The following PRDM11 variants were observed in gnomAD, a reference collection of about 807,000 sequenced individuals.
PRDM11 encodes the protein PR domain-containing protein 11.
Under a neutral mutation model 97.8 loss-of-function variants are expected in PRDM11, and 20 were observed. That is an observed-to-expected ratio of 0.20 (90% confidence interval 0.14 to 0.30). The LOEUF is 0.30. PRDM11 is among the 10% of genes least tolerant of loss of function. The probability of loss-of-function intolerance (pLI) is 1.00; values close to 1 mark genes in which losing one functional copy is unlikely to be tolerated. For missense variants in PRDM11, 1,139 were observed against 1,555.2 expected, an observed-to-expected ratio of 0.73 and a Z score of 4.50; for synonymous variants, 599 against 637.7, an observed-to-expected ratio of 0.94 and a Z score of 0.91.
intron 4 of PRDM11, among the ~76,000 whole-genome samples, chr11:45,189,101 A>G (rs901013241): frequency 2.6e-5 from 4 of 152,014 alleles, no homozygotes; most frequent in Non-Finnish European, 5.9e-5. Flanking sequence ...GGGTTTCTCC[A>G]TGTTGGCCAG....
intron 1 of PRDM11, among the ~76,000 whole-genome samples, chr11:45,153,850 A>T (rs918324389): frequency 1.3e-5 from 2 of 152,208 alleles, no homozygotes; most frequent in Non-Finnish European, 2.9e-5. Flanking sequence ...GAGCACCAGG[A>T]CACTGACAAC....
intron 1 of PRDM11, among the ~76,000 whole-genome samples, chr11:45,118,447 A>T (rs906032851): frequency 1.1e-4 from 17 of 152,236 alleles, no homozygotes; most frequent in Non-Finnish European, 1.9e-4. Flanking sequence ...TACCAAAAAT[A>T]AAAAATATTA....
chr11:45,124,326 C>T (rs1852515216), intron 1 of PRDM11, among the ~76,000 whole-genome samples: 1 of 152,206 alleles, frequency 6.6e-6, no homozygotes, highest in East Asian at 1.9e-4. Flanking sequence ...TAATTGAATA[C>T]CCTTTATTTC....
intron 4 of PRDM11, among the ~76,000 whole-genome samples, chr11:45,195,458 T>G (rs1206970611): frequency 6.6e-6 from 1 of 152,196 alleles, no homozygotes; most frequent in Non-Finnish European, 1.5e-5. Context: ...GCCTTTCATA[T>G]AAATGAGATT....
chr11:45,213,552 C>T (rs1220765728), intron 5 of PRDM11: 1 of 456,484 alleles, frequency 2.2e-6, no homozygotes, highest in South Asian at 1.5e-5. Flanking sequence ...CTCCGCTTGC[C>T]CTTGTGCGCG....
rs955917458 is a variant in PRDM11, at chr11:45,123,600, G to A, written c.96+27699G>A. Among the ~76,000 whole-genome samples the A allele has an allele frequency of 5.3e-3, 808 of 152,112 alleles. 6 individuals carry two copies. The highest frequency in any genetic ancestry group is 0.018 in the African/African-American group (760 of 41,522). On this transcript the variant is annotated intron_variant, in intron 1 of 6. Transcript: ENST00000530656. ...TTCCCAGCATCATTTATTAAATAGG[G>A]AATCCTTTCCCCATTGCTTGTTTTT... is the stretch of plus-strand genomic sequence containing the variant.
At chr11:45,176,817 C>T (rs1287633130) in intron 1 of PRDM11, among the ~76,000 whole-genome samples, 2 of 152,192 alleles carry the variant, frequency 1.3e-5, no homozygotes, top group Non-Finnish European at 1.5e-5. Context: ...TAATTCCAAG[C>T]CCTTGCCCAC....
intron 1 of PRDM11, among the ~76,000 whole-genome samples, chr11:45,178,691 G>A (rs1447410870): frequency 6.6e-6 from 1 of 152,242 alleles, no homozygotes; most frequent in Non-Finnish European, 1.5e-5. Flanking sequence ...TGGGCAAAGT[G>A]GAGAGTCAGC....
At chr11:45,175,854 A>G (rs1852314944) in intron 1 of PRDM11, among the ~76,000 whole-genome samples, 1 of 152,176 alleles carries the variant, frequency 6.6e-6, no homozygotes, top group African/African-American at 2.4e-5. Context: ...ATCTTTGCCA[A>G]TTTATTAGAG....
rs1338166716 is a variant in PRDM11, at chr11:45,119,638, A to C, written c.96+23737A>C. ...CTGTCTCAAAAAAAAAAAAAAAAAA[A>C]AAAAAAAAAAACACCTGGTAAGGCC... is the stretch of plus-strand genomic sequence containing the variant. On this transcript the variant is annotated intron_variant, in intron 1 of 6. Coordinates refer to the PRDM11 transcript ENST00000530656. Among the ~76,000 whole-genome samples, 11 of 147,514 alleles carry C rather than the reference A, an allele frequency of 7.5e-5. No individual in the cohort carries two copies. The East Asian group carries it at 9.7e-4, about 13-fold the overall frequency.
chr11:45,196,721 G>C (rs183100541), intron 4 of PRDM11, among the ~76,000 whole-genome samples: 1 of 152,176 alleles, frequency 6.6e-6, no homozygotes, highest in South Asian at 2.1e-4. Flanking sequence ...TCAGGGTAGC[G>C]GGTGGTTGGT....
chr11:45,204,681 C>T lies in PRDM11; in HGVS notation c.487-30C>T, dbSNP rs763861946. 5.7e-6 allele frequency: 9 copies of T among 1,581,230 alleles called. No homozygotes were observed. The South Asian group carries it at 6.6e-5, about 12-fold the overall frequency. ...GGACATGAGAACCCCTCTAGAATGG[C>T]CCATCCTAGACTCTTTCTCTTTCTT... On this transcript the variant is annotated intron_variant, in intron 4 of 7. Transcript: ENST00000683152.
At chr11:45,208,896 C>A in intron 5 of PRDM11, 1 of 453,136 alleles carries the variant, frequency 2.2e-6, no homozygotes, top group Non-Finnish European at 4.5e-6. Flanking sequence ...CCTGGCTGAG[C>A]GTAAGAGGAA....
intron 5 of PRDM11, among the ~76,000 whole-genome samples, chr11:45,209,960 G>C (rs1252212198): frequency 1.3e-5 from 2 of 152,108 alleles, no homozygotes; most frequent in Non-Finnish European, 2.9e-5. Flanking sequence ...GGGGAGGGGA[G>C]GCGCGCAGGC....
chr11:45,186,640 C>T (rs1048896051), intron 4 of PRDM11, among the ~76,000 whole-genome samples: 3 of 152,096 alleles, frequency 2.0e-5, no homozygotes, highest in African/African-American at 7.2e-5. Context: ...GCCAGATTGC[C>T]ATGGATTAAG....
At chr11:45,135,488 A>ATAGCTTTCCAAATCC (rs1344429050) in intron 1 of PRDM11, among the ~76,000 whole-genome samples, 6 of 152,254 alleles carry the variant, frequency 3.9e-5, no homozygotes, top group Non-Finnish European at 8.8e-5. Context: ...ATAAAAATCA[A>ATAGCTTTCCAAATCC]TAGCTTTCCA....
At position 45,113,322 on chromosome 11, in the gene PRDM11, T is replaced by C. The variant is rs368235226; in HGVS notation, c.96+17421T>C. Among the ~76,000 whole-genome samples the C allele has an allele frequency of 6.2e-4, 94 of 152,340 alleles. 1 individual carries two copies. The highest frequency in any genetic ancestry group is 2.0e-3 in the African/African-American group (85 of 41,588). ...TTCCATTGGTCTACATGTGTGTTTTTATACCAGTACTACACTGTTTTGGTA... is the reference window on the plus strand; with the variant it reads ...TTCCATTGGTCTACATGTGTGTTTTCATACCAGTACTACACTGTTTTGGTA... On this transcript the variant is annotated intron_variant, in intron 1 of 6. Coordinates refer to the PRDM11 transcript ENST00000530656.
At chr11:45,146,205 C>T (rs1465576006), upstream of PRDM11, among the ~76,000 whole-genome samples, 2 of 152,144 alleles carry the variant, frequency 1.3e-5, no homozygotes, top group African/African-American at 4.8e-5. Flanking sequence ...TTAAATGGGA[C>T]CGGGAGGGGG....
At chr11:45,094,929 G>A (rs1217902041), upstream of PRDM11, among the ~76,000 whole-genome samples, 1 of 151,548 alleles carries the variant, frequency 6.6e-6, no homozygotes, top group Non-Finnish European at 1.5e-5. Context: ...AGGAAGGGAG[G>A]GAGATGAGGA....
Sources: allele counts gnomAD v4.1 joint callset (sites outside exome capture counted in the v4.1 genomes callset), GRCh38; gene constraint gnomAD v4.1.1; transcripts MANE v1.5; gene names NCBI Gene and HGNC (gene_info 2026-07-23, HGNC 2026-07-21).